CYP26B1: variants seen among roughly 807,000 people sequenced by gnomAD.
The protein encoded by CYP26B1 is cytochrome P450 family 26 subfamily B member 1.
Under a neutral mutation model 39.1 loss-of-function variants are expected in CYP26B1, and 8 were observed. The ratio of observed to expected loss-of-function variants is 0.20; its 90% CI spans 0.12 to 0.37. CYP26B1 has a LOEUF of 0.37. Ranked by LOEUF, CYP26B1 falls within the 10% of genes least tolerant of loss-of-function variation. CYP26B1 has a pLI of 1.00. For synonymous variants in CYP26B1, 321 were observed against 314.3 expected (o/e 1.02, Z -0.23); for missense variants, 615 against 707.0 (o/e 0.87, Z 1.48).
intron 2 of CYP26B1, among the ~76,000 whole-genome samples, chr2:72,137,281 G>A (rs1224186355): frequency 6.6e-6 from 1 of 152,164 alleles, no homozygotes; most frequent in African/African-American, 2.4e-5. Flanking sequence ...AGTTGTAACT[G>A]TGCATCATCC....
At chr2:72,146,930 A>G (rs563364139) in intron 1 of CYP26B1, among the ~76,000 whole-genome samples, 1 of 152,104 alleles carries the variant, frequency 6.6e-6, no homozygotes, top group African/African-American at 2.4e-5. Flanking sequence ...CTCTCTCTCT[A>G]TGGATCCCAC....
chr2:72,145,951 G>A (rs1677112094), intron 1 of CYP26B1, among the ~76,000 whole-genome samples: 1 of 152,120 alleles, frequency 6.6e-6, no homozygotes, highest in African/African-American at 2.4e-5. Context: ...AAATGACTCC[G>A]AAAAAATAAC....
At chr2:72,144,378 G>C in intron 1 of CYP26B1, 165 bp from the exon 2 acceptor site, 1 of 1,435,334 alleles carries the variant, frequency 7.0e-7, no homozygotes. Context: ...GCGTGCACAA[G>C]AACTGCGAAG....
chr2:72,132,867 G>A (rs183042674), intron 5 of CYP26B1, among the ~76,000 whole-genome samples, 156 bp downstream of exon 5: 8 of 152,354 alleles, frequency 5.3e-5, no homozygotes, highest in African/African-American at 1.7e-4. Flanking sequence ...ATGCATTTGG[G>A]GCGCACTTCT....
chr2:72,134,942 T>G (rs774956108), intron 3 of CYP26B1, 26 bp from the exon 4 acceptor site: 2 of 1,612,346 alleles, frequency 1.2e-6, no homozygotes, highest in Non-Finnish European at 1.7e-6. Context: ...CTGTCACTCA[T>G]ATGGAAGGGC....
chr2:72,136,019 C>T (rs77927580), intron 2 of CYP26B1, among the ~76,000 whole-genome samples: 8 of 152,140 alleles, frequency 5.3e-5, no homozygotes, highest in Non-Finnish European at 8.8e-5. Flanking sequence ...GGCCACTGTA[C>T]GCAGCCAGTG....
intron 2 of CYP26B1, among the ~76,000 whole-genome samples, chr2:72,138,020 ATTCTGAGGGCCT>A (rs1446372939): frequency 6.6e-6 from 1 of 152,158 alleles, no homozygotes; most frequent in Non-Finnish European, 1.5e-5. Context: ...CCGACTGGCC[ATTCTGAGGGCCT>A]TTCTGCCAGG....
chr2:72,140,457 GGCAGAGCTCCCAGCA>G (rs1676912197), intron 2 of CYP26B1, among the ~76,000 whole-genome samples: 1 of 152,260 alleles, frequency 6.6e-6, no homozygotes, highest in Non-Finnish European at 1.5e-5. Context: ...AAGGGGCTGG[GGCAGAGCTCCCAGCA>G]GCAGAGCTGC....
Position 72,133,026 on chromosome 2 carries a change from A to T in CYP26B1, c.1143T>A (p.Leu381=). The change falls in exon 5 of 6, where the codon CTT becomes CTA. Residue 381 remains leucine (L), a synonymous_variant. Coordinates refer to ENST00000001146, the MANE Select transcript of CYP26B1 (RefSeq NM_019885.4). ...GGTGCCACGGGCCCAGCCTCACATC[A>T]AGCTCGAAGGTCTGCAGCACAGTGC... The part of the protein sequence containing the change: ...GYRTVLQTFE[L]DGFQIPKGWS... The T allele has an allele frequency of 1.2e-6, 2 of 1,613,144 alleles. No individual in the cohort carries two copies. Among genetic ancestry groups the T allele is most frequent in the Non-Finnish European group, 1.7e-6 (2 of 1,179,954 alleles).
rs1677145557 is a variant in CYP26B1 at position 72,147,220 on chromosome 2, GC to G, written c.204+410del. 6.6e-6 allele frequency among the ~76,000 whole-genome samples: 1 copy of G among 152,152 alleles called. No individual in the cohort carries two copies. The highest frequency in any genetic ancestry group is 1.5e-5 in the Non-Finnish European group (1 of 68,022). On this transcript the variant is annotated intron_variant, in intron 1 of 5. Transcript: ENST00000001146. The surrounding 1 kb of genome is among the most constrained non-coding windows in gnomAD (Gnocchi z 6.1). ...TCAATTTTCGGCTCCCAGCGACACA[GC>G]CAACCCCAGAAAGCCGAGGGCGACT...
intron 2 of CYP26B1, among the ~76,000 whole-genome samples, chr2:72,138,209 C>T (rs188351245): frequency 1.5e-3 from 236 of 152,282 alleles, no homozygotes; most frequent in Middle Eastern, 3.4e-3. Flanking sequence ...ATAGGGGCCT[C>T]CCAGGCCCTG....
In CYP26B1 at chr2:72,131,987, G is replaced by A. The variant is rs370716089; in HGVS notation, c.*240C>T. The A allele has an allele frequency of 1.7e-6, 1 of 583,950 alleles. No homozygotes were observed. The allele number at this position is 583,950 out of a possible 1,614,324, so 36.2% of individuals were successfully genotyped here. ...CAGAGCCCCTGCCACGCCCTTCCCA[G>A]GGGCTGAGCTGATGGTAAATGGGGA... On this transcript the variant is annotated 3_prime_UTR_variant, in exon 6 of 6. Transcript: ENST00000001146.
At chr2:72,146,014 C>T (rs1020054765) in intron 1 of CYP26B1, among the ~76,000 whole-genome samples, 1 of 152,130 alleles carries the variant, frequency 6.6e-6, no homozygotes, top group Non-Finnish European at 1.5e-5. Context: ...GTACACGTAC[C>T]CCCTATTTCC....
chr2:72,131,976 C>T lies in CYP26B1; in HGVS notation c.*251G>A, dbSNP rs913071877. 1 of 573,966 alleles carries T rather than the reference C, an allele frequency of 1.7e-6. No homozygotes were observed. 35.6% of individuals were successfully genotyped at this position (573,966 alleles called of 1,614,324 possible). On this transcript the variant is annotated 3_prime_UTR_variant, in exon 6 of 6. Transcript: ENST00000001146. ...TCACGGGCATGCAGAGCCCCTGCCA[C>T]GCCCTTCCCAGGGGCTGAGCTGATG...
At position 72,131,925 on chromosome 2, in the gene CYP26B1, G is replaced by C. The variant is rs897877998; in HGVS notation, c.*302C>G. 3 of 473,364 alleles carry C rather than the reference G, an allele frequency of 6.3e-6. No individual in the cohort carries two copies. The Admixed American group carries it at 1.1e-4, about 17-fold the overall frequency. The allele number at this position is 473,364 out of a possible 1,614,324, so 29.3% of individuals were successfully genotyped here. Reference sequence around the variant, plus strand: ...CAGTTCAGAACATCACAAAAACACTGTAGCACGCGCTGACACCTAACACTG... The same window carrying C: ...CAGTTCAGAACATCACAAAAACACTCTAGCACGCGCTGACACCTAACACTG... On this transcript the variant is annotated 3_prime_UTR_variant, in exon 6 of 6. Transcript: ENST00000001146.
At chr2:72,143,377 G>C (rs1035368744) in intron 2 of CYP26B1, among the ~76,000 whole-genome samples, 13 of 152,194 alleles carry the variant, frequency 8.5e-5, no homozygotes, top group South Asian at 4.1e-4. Context: ...CTTTCGGGGG[G>C]GGGTGGGTGC....
chr2:72,132,666 G>A (rs751651001), intron 5 of CYP26B1, 47 bp from the exon 6 acceptor site: 1 of 1,558,482 alleles, frequency 6.4e-7, no homozygotes, highest in Admixed American at 1.9e-5. Context: ...AGCCAGAGGA[G>A]CCCACAGAGG....
intron 2 of CYP26B1, 24 bp downstream of exon 2, chr2:72,143,965 G>A (rs1677036333): frequency 6.2e-7 from 1 of 1,612,546 alleles, no homozygotes; most frequent in African/African-American, 1.3e-5. Context: ...GGATTGCGCG[G>A]AAGAAAACGG....
rs985835875 is a variant in CYP26B1 at position 72,135,065 on chromosome 2, G to T, written c.705+79C>A. 6 of 1,605,558 alleles carry T rather than the reference G, an allele frequency of 3.7e-6. No homozygotes were observed. The African/African-American group carries it at 6.7e-5, about 18-fold the overall frequency. Reference sequence around the variant, plus strand: ...CCTGTGCCTAGGTGCCCATCTCAGGGGTCAGGTCAGCCACCCACCCCCAGA... The same window carrying T: ...CCTGTGCCTAGGTGCCCATCTCAGGTGTCAGGTCAGCCACCCACCCCCAGA... On this transcript the variant is annotated intron_variant, in intron 3 of 5. Coordinates refer to ENST00000001146, the MANE Select transcript of CYP26B1 (RefSeq NM_019885.4).
Sources: gnomAD v4.1 joint callset for allele counts (sites outside exome capture counted in the v4.1 genomes callset) on GRCh38, gnomAD v4.1.1 for gene constraint, Gnocchi (gnomAD v3.1) non-coding constraint, MANE v1.5 for transcripts, NCBI Gene and HGNC (gene_info 2026-07-23, HGNC 2026-07-21) for gene names.